SLC47A2: variants seen among roughly 807,000 people sequenced by gnomAD.
SLC47A2 encodes the protein multidrug and toxin extrusion protein 2.
SLC47A2 carries 52 observed loss-of-function variants against 67.7 expected under a neutral mutation model. That is an observed-to-expected ratio of 0.77 (90% CI 0.61 to 0.97). The LOEUF is 0.97. SLC47A2 is among the 50% of genes least tolerant of loss of function. SLC47A2 has a pLI of 0.00. For missense variants in SLC47A2, 676 were observed against 712.3 expected, an observed-to-expected ratio of 0.95 and a Z score of 0.58; for synonymous variants, 278 against 292.9, an observed-to-expected ratio of 0.95 and a Z score of 0.52.
chr17:19,696,413 G>A (rs2085664959), intron 13 of SLC47A2, among the ~76,000 whole-genome samples: 1 of 146,564 alleles, frequency 6.8e-6, no homozygotes, highest in Non-Finnish European at 1.5e-5. Flanking sequence ...AGTAAGGCCA[G>A]ATTGCAGTAC....
rs111307946 is a variant in SLC47A2 at position 19,714,033 on chromosome 17, G to T, written c.295-60C>A. ...ACTGCCCGGGACATTCCTAAATCCC[G>T]CGCGGGGAGCGGGCTGTCAGCGGCG... On this transcript the variant is annotated intron_variant, in intron 3 of 16. Transcript: ENST00000433844. 1.3e-4 allele frequency: 201 copies of T among 1,554,172 alleles called. No homozygotes were observed. In the African/African-American group the frequency reaches 2.5e-3, roughly 20 times the overall value.
intron 5 of SLC47A2, 66 bp from the exon 6 acceptor site, chr17:19,708,826 A>G (rs1163828094): frequency 2.5e-6 from 4 of 1,572,154 alleles, no homozygotes; most frequent in Admixed American, 1.7e-5. Flanking sequence ...GAGCATTAAC[A>G]GACATTCCTT....
chr17:19,709,892 T>C (rs1045038514), intron 5 of SLC47A2, among the ~76,000 whole-genome samples: 2 of 152,034 alleles, frequency 1.3e-5, no homozygotes, highest in Non-Finnish European at 2.9e-5. Context: ...AAAGCCAAAG[T>C]ATGGATTATG....
intron 16 of SLC47A2, among the ~76,000 whole-genome samples, chr17:19,679,580 A>G (rs978049066): frequency 6.6e-5 from 10 of 152,208 alleles, no homozygotes; most frequent in African/African-American, 2.4e-4. Flanking sequence ...AGCAGAGTTC[A>G]GTGGGGGAGA....
Position 19,705,519 on chromosome 17 carries a change from G to C in SLC47A2, c.842-16C>G, listed in dbSNP as rs200804233. 1.2e-6 allele frequency: 2 copies of C among 1,605,570 alleles called. No individual in the cohort carries two copies. The highest frequency in any genetic ancestry group is 1.7e-6 in the Non-Finnish European group (2 of 1,177,544). ...CTGAGCAGCCCTAGAGAAGAGGCCC[G>C]CCGTGAGTCCGGCCCGCAGCCCCAG... On this transcript the variant is annotated splice_polypyrimidine_tract_variant and intron_variant, in intron 9 of 16. Transcript: ENST00000433844.
Position 19,707,753 on chromosome 17 carries a change from C to A in SLC47A2, c.720G>T (p.Thr240=), listed in dbSNP as rs755182920. 5 of 1,588,962 alleles carry A rather than the reference C, an allele frequency of 3.1e-6. No homozygotes were observed. The highest frequency in any genetic ancestry group is 4.6e-5 in the East Asian group (2 of 43,032). ...GCAGGCCAGGCCTCCCACCTGCCCA[C>A]GTCTCCAGGTGCAGCTTCTTCAGCA... ...YIVLKKLHLE[T]WAGWSSQCLQ... is the part of the protein sequence containing the mutation. Residue 240 remains threonine (T), a synonymous_variant, in exon 8 of 17, where the codon ACG becomes ACT. Coordinates refer to ENST00000433844, the MANE Select transcript of SLC47A2 (RefSeq NM_001099646.3).
At chr17:19,694,977 TA>T (rs1382817167) in intron 13 of SLC47A2, among the ~76,000 whole-genome samples, 5 of 150,836 alleles carry the variant, frequency 3.3e-5, no homozygotes, top group African/African-American at 1.2e-4. Context: ...TAAAACTTTT[TA>T]AAGAAAACAG....
At position 19,678,503 on chromosome 17, in the gene SLC47A2, T is replaced by C. The variant is rs376452124; in HGVS notation, c.*183A>G. 1.9e-5 allele frequency: 12 copies of C among 624,418 alleles called. No individual in the cohort carries two copies. The African/African-American group carries it at 2.0e-4, about 11-fold the overall frequency. 38.7% of individuals were successfully genotyped at this position (624,418 alleles called of 1,614,324 possible). A position where few individuals can be genotyped will look rare whatever the true frequency, so the allele number is the denominator to read the frequency against. On this transcript the variant is annotated 3_prime_UTR_variant, in exon 17 of 17. Transcript: ENST00000433844. ...AAACTCCAGCTTGACCAGAACAGAA[T>C]TGTCAAGTCTGTTCAGACCCCTCTG...
upstream of SLC47A2, chr17:19,717,816 ACGC>A (rs2086297739): frequency 6.6e-6 from 1 of 152,238 alleles, no homozygotes; most frequent in Non-Finnish European, 1.5e-5. Context: ...GAATTCTGAA[ACGC>A]TCCACTGGAT....
chr17:19,707,888 T>C (rs1449443833), intron 7 of SLC47A2, 45 bp from the exon 8 acceptor site: 2 of 1,522,094 alleles, frequency 1.3e-6, no homozygotes, highest in African/African-American at 2.8e-5. Flanking sequence ...GCCAACTCTC[T>C]GCCACCGCCC....
At chr17:19,709,963 C>A (rs989874816) in intron 5 of SLC47A2, among the ~76,000 whole-genome samples, 29 of 152,260 alleles carry the variant, frequency 1.9e-4, no homozygotes, top group Middle Eastern at 3.4e-3. Flanking sequence ...AGAAAAAAAT[C>A]TGTAACCAGC....
At chr17:19,686,003 G>A (rs891066956) in intron 13 of SLC47A2, among the ~76,000 whole-genome samples, 3 of 152,174 alleles carry the variant, frequency 2.0e-5, no homozygotes, top group African/African-American at 7.2e-5. Context: ...GCTGATGTCT[G>A]TAATCCCAGC....
At chr17:19,691,528 G>A (rs866278268) in intron 13 of SLC47A2, among the ~76,000 whole-genome samples, 18 of 152,112 alleles carry the variant, frequency 1.2e-4, no homozygotes, top group South Asian at 4.1e-4. Flanking sequence ...ATTCTCACTC[G>A]TTTGTAGGAG....
Position 19,712,558 on chromosome 17 carries a change from G to C in SLC47A2, c.486+145C>G, listed in dbSNP as rs554082174. 3 of 755,732 alleles carry C rather than the reference G, an allele frequency of 4.0e-6. No individual in the cohort carries two copies. In the East Asian group the frequency reaches 8.0e-5, roughly 20 times the overall value. 46.8% of individuals were successfully genotyped at this position (755,732 alleles called of 1,614,324 possible). A position where few individuals can be genotyped will look rare whatever the true frequency, so the allele number is the denominator to read the frequency against. On this transcript the variant is annotated intron_variant, in intron 5 of 16. Coordinates refer to ENST00000433844, the MANE Select transcript of SLC47A2 (RefSeq NM_001099646.3). ...TTTTTAAATTCAATTTGCACCAACTGCAACGGGAACTTTTGTCAGTCACCC... is the reference window on the plus strand; with the variant it reads ...TTTTTAAATTCAATTTGCACCAACTCCAACGGGAACTTTTGTCAGTCACCC...
chr17:19,706,261 G>T (rs1289423966), intron 9 of SLC47A2, among the ~76,000 whole-genome samples: 1 of 152,154 alleles, frequency 6.6e-6, no homozygotes, highest in Non-Finnish European at 1.5e-5. Context: ...GCAGCAGGTG[G>T]GAGCCTCACA....
At position 19,706,694 on chromosome 17, in the gene SLC47A2, C is replaced by A. The variant is rs1162550959; in HGVS notation, c.795G>T (p.Met265Ile). The change falls in exon 9 of 17, where the codon ATG becomes ATT. Residue 265 changes from methionine to isoleucine, a missense_variant. Met to Ile is a conservative substitution (Grantham distance 10). Transcript: ENST00000433844. ...FFSLAVPSML[M>I]ICVEWWAYEI... ...CATAGGCCCACCACTCAACACAGAT[C>A]ATGAGCATGCTGGGGACAGCCAGGG... The A allele has an allele frequency of 5.6e-6, 9 of 1,611,338 alleles. No homozygotes were observed. The highest frequency in any genetic ancestry group is 7.6e-6 in the Non-Finnish European group (9 of 1,179,180).
rs1055283903 is a variant in SLC47A2, at chr17:19,714,415, G to A, written c.294+306C>T. ...GACACATGCCTGCATGTAGGCAGCC[G>A]AACTTAGGATTGAGGCTGGGGAACC... is the stretch of plus-strand genomic sequence containing the variant. On this transcript the variant is annotated intron_variant, in intron 3 of 16. Transcript: ENST00000433844. 25 of 501,288 alleles carry A rather than the reference G, an allele frequency of 5.0e-5. 1 individual carries two copies. The South Asian group carries it at 5.1e-4, about 10-fold the overall frequency. The allele number at this position is 501,288 out of a possible 1,614,324, so 31.1% of individuals were successfully genotyped here.
chr17:19,702,987 C>A (rs1383748584), intron 12 of SLC47A2, 105 bp downstream of exon 12: 2 of 1,280,190 alleles, frequency 1.6e-6, no homozygotes, highest in Non-Finnish European at 1.1e-6. Flanking sequence ...GCTCTTCCTG[C>A]TTCCTTTGGG....
At chr17:19,700,604 T>A (rs1262557860) in intron 13 of SLC47A2, among the ~76,000 whole-genome samples, 1 of 151,704 alleles carries the variant, frequency 6.6e-6, no homozygotes, top group East Asian at 1.9e-4. Flanking sequence ...CTACAAAACT[T>A]TAAAAAGAAA....
Sources: allele counts gnomAD v4.1 joint callset (sites outside exome capture counted in the v4.1 genomes callset), GRCh38; gene constraint gnomAD v4.1.1; transcripts MANE v1.5; gene names NCBI Gene and HGNC (gene_info 2026-07-23, HGNC 2026-07-21).